Variants in GRIN2B observed in about 807,000 individuals in gnomAD.
GRIN2B encodes glutamate ionotropic receptor NMDA type subunit 2B.
Under a neutral mutation model 114.5 loss-of-function variants are expected in GRIN2B, and 5 were observed. That is an observed-to-expected ratio of 0.04 (90% confidence interval 0.02 to 0.09). The LOEUF is 0.09. GRIN2B is among the 10% of genes least tolerant of loss of function. GRIN2B has a pLI of 1.00. For missense variants in GRIN2B, 1,108 were observed against 1,943.5 expected (o/e 0.57, Z 8.08); for synonymous variants, 787 against 745.1 (o/e 1.06, Z -0.92).
At chr12:13,659,080 G>A (rs1949895511) in intron 5 of GRIN2B, among the ~76,000 whole-genome samples, 1 of 152,118 alleles carries the variant, frequency 6.6e-6, no homozygotes, top group Non-Finnish European at 1.5e-5. Context: ...CCTCCGTGGA[G>A]AACATCCCTC....
At chr12:13,886,872 G>A (rs1196450368) in intron 2 of GRIN2B, among the ~76,000 whole-genome samples, 2 of 152,138 alleles carry the variant, frequency 1.3e-5, no homozygotes, top group East Asian at 3.8e-4. Context: ...CATGTCACAT[G>A]CACACTCCAA....
chr12:13,571,519 T>C (rs926217609), intron 11 of GRIN2B, among the ~76,000 whole-genome samples: 5 of 152,236 alleles, frequency 3.3e-5, no homozygotes, highest in Non-Finnish European at 7.3e-5. Flanking sequence ...TCCTTCACTC[T>C]GCCCTCCTAC....
At chr12:13,858,002 C>A (rs1355511574) in intron 3 of GRIN2B, among the ~76,000 whole-genome samples, 1 of 152,156 alleles carries the variant, frequency 6.6e-6, no homozygotes, top group African/African-American at 2.4e-5. Context: ...CCCCCAGCAG[C>A]CTCTGTCTCT....
intron 2 of GRIN2B, among the ~76,000 whole-genome samples, chr12:13,891,029 A>T (rs1204974628): frequency 1.3e-5 from 2 of 152,186 alleles, no homozygotes; most frequent in African/African-American, 4.8e-5. Flanking sequence ...AGTATTAGTG[A>T]TGCAGAGCCA....
intron 4 of GRIN2B, among the ~76,000 whole-genome samples, chr12:13,703,254 C>A (rs1018356061): frequency 1.3e-5 from 2 of 152,160 alleles, no homozygotes; most frequent in African/African-American, 4.8e-5. Context: ...AGATAACAGG[C>A]CTTTAAACCC....
At chr12:13,679,177 T>G (rs1418172513) in intron 4 of GRIN2B, among the ~76,000 whole-genome samples, 1 of 152,148 alleles carries the variant, frequency 6.6e-6, no homozygotes, top group Non-Finnish European at 1.5e-5. Flanking sequence ...TAATTCTGCC[T>G]TTAGCTAAAA....
At chr12:13,877,069 G>T (rs991882764) in intron 2 of GRIN2B, among the ~76,000 whole-genome samples, 1 of 152,172 alleles carries the variant, frequency 6.6e-6, no homozygotes, top group African/African-American at 2.4e-5. Flanking sequence ...GGTCAATGTT[G>T]TTAGTTGGTA....
intron 4 of GRIN2B, among the ~76,000 whole-genome samples, chr12:13,696,598 CCTATG>C (rs1950261487): frequency 6.6e-6 from 1 of 152,156 alleles, no homozygotes; most frequent in South Asian, 2.1e-4. Context: ...ATGTGCCAGA[CCTATG>C]CTGAATGAGA....
intron 4 of GRIN2B, among the ~76,000 whole-genome samples, chr12:13,695,979 A>G (rs1189024089): frequency 6.6e-6 from 1 of 152,174 alleles, no homozygotes; most frequent in Non-Finnish European, 1.5e-5. Flanking sequence ...TGCAGGGAGA[A>G]TAAGTATAGC....
rs953464453 is a variant in GRIN2B, at chr12:13,550,652, G to T, written c.*12131C>A. ...GATAACTATGTTGCTCTACCACAAA[G>T]AAAATGCTGCCTTCACATAAAGCCT... On this transcript the variant is annotated 3_prime_UTR_variant, in exon 14 of 14. Coordinates refer to ENST00000609686, the MANE Select transcript of GRIN2B (RefSeq NM_000834.5). 6.6e-6 allele frequency: 1 copy of T among 152,114 alleles called. No homozygotes were observed. Among genetic ancestry groups the T allele is most frequent in the Non-Finnish European group, 1.5e-5 (1 of 68,018 alleles). The allele number at this position is 152,114 out of a possible 1,614,324, so 9.4% of individuals were successfully genotyped here.
intron 2 of GRIN2B, among the ~76,000 whole-genome samples, chr12:13,897,806 T>C (rs1866377336): frequency 6.6e-6 from 1 of 152,038 alleles, no homozygotes; most frequent in Non-Finnish European, 1.5e-5. Context: ...ATGATAGATA[T>C]ATAATGAAAG....
chr12:13,923,657 A>G (rs1196310008), intron 2 of GRIN2B, among the ~76,000 whole-genome samples: 3 of 152,194 alleles, frequency 2.0e-5, no homozygotes, highest in Non-Finnish European at 4.4e-5. Context: ...AATGTTCACA[A>G]TACACTTGCT....
At chr12:13,958,597 A>G (rs1867635443) in intron 2 of GRIN2B, among the ~76,000 whole-genome samples, 1 of 152,106 alleles carries the variant, frequency 6.6e-6, no homozygotes, top group Non-Finnish European at 1.5e-5. Context: ...AGGACATGGC[A>G]CTGGTACCTT....
At chr12:13,827,122 T>G (rs142944703) in intron 3 of GRIN2B, among the ~76,000 whole-genome samples, 10 of 151,584 alleles carry the variant, frequency 6.6e-5, no homozygotes, top group Non-Finnish European at 1.3e-4. Flanking sequence ...TAACCTTTGT[T>G]AGTTTGAATA....
At position 13,625,241 on chromosome 12, in the gene GRIN2B, G is replaced by A. The variant is rs191927964; in HGVS notation, c.1126-8584C>T. Among the ~76,000 whole-genome samples the A allele has an allele frequency of 2.3e-3, 352 of 152,142 alleles. 2 individuals are homozygous for A. Among genetic ancestry groups the A allele is most frequent in the Non-Finnish European group, 3.7e-3 (255 of 68,000 alleles). On this transcript the variant is annotated intron_variant, in intron 5 of 13. Transcript: ENST00000609686. ...TAGCAGCTCATATTTTTTTCACCAC[G>A]CTATGTTACCAAGAGAATATTTATG...
intron 2 of GRIN2B, among the ~76,000 whole-genome samples, chr12:13,923,732 G>A (rs1429106571): frequency 2.6e-5 from 4 of 152,050 alleles, no homozygotes; most frequent in Non-Finnish European, 4.4e-5. Flanking sequence ...TTTGCTTGGG[G>A]CTAAAAGAAG....
At chr12:13,874,487 T>G (rs893254869) in intron 2 of GRIN2B, among the ~76,000 whole-genome samples, 2 of 152,232 alleles carry the variant, frequency 1.3e-5, no homozygotes, top group Non-Finnish European at 2.9e-5. Context: ...TCTTTTTTCC[T>G]TAATATGTTG....
At chr12:13,711,521 C>T (rs1365658810) in intron 4 of GRIN2B, among the ~76,000 whole-genome samples, 2 of 152,004 alleles carry the variant, frequency 1.3e-5, no homozygotes, top group African/African-American at 4.8e-5. Context: ...TGAACTCCAA[C>T]AAATTTATAA....
At chr12:13,729,390 C>T (rs554586008) in intron 4 of GRIN2B, among the ~76,000 whole-genome samples, 3 of 152,228 alleles carry the variant, frequency 2.0e-5, no homozygotes, top group Non-Finnish European at 2.9e-5. Flanking sequence ...CTGTCTCTCC[C>T]GTTTTTATGT....
Sources: gnomAD v4.1 joint callset for allele counts (sites outside exome capture counted in the v4.1 genomes callset) on GRCh38, gnomAD v4.1.1 for gene constraint, MANE v1.5 for transcripts, NCBI Gene and HGNC (gene_info 2026-07-23, HGNC 2026-07-21) for gene names.